SLC35F1: variants seen among roughly 807,000 people sequenced by gnomAD.
The protein encoded by SLC35F1 is chromosome 6 open reading frame 169.
In SLC35F1, 14 loss-of-function variants were observed where a neutral mutation model predicts 48.7. The ratio of observed to expected loss-of-function variants is 0.29; its 90% CI spans 0.19 to 0.45. SLC35F1 has a LOEUF of 0.45. SLC35F1 is among the 20% of genes least tolerant of loss of function. The probability of loss-of-function intolerance (pLI) is 1.00; values close to 1 mark genes in which losing one functional copy is unlikely to be tolerated. For synonymous variants in SLC35F1, 190 were observed against 202.2 expected, an observed-to-expected ratio of 0.94 and a Z score of 0.51; for missense variants, 404 against 500.0, an observed-to-expected ratio of 0.81 and a Z score of 1.83.
At chr6:118,133,901 T>G (rs759326337) in intron 1 of SLC35F1, among the ~76,000 whole-genome samples, 5 of 152,226 alleles carry the variant, frequency 3.3e-5, no homozygotes, top group Non-Finnish European at 7.3e-5. Flanking sequence ...AGTGCTCTGC[T>G]TCCTAGAAGC....
intron 6 of SLC35F1, among the ~76,000 whole-genome samples, chr6:118,277,778 A>G (rs1408526968): frequency 1.3e-5 from 2 of 152,138 alleles, no homozygotes; most frequent in African/African-American, 4.8e-5. Flanking sequence ...CCAAGATGCC[A>G]TTAGGGGAGA....
intron 2 of SLC35F1, among the ~76,000 whole-genome samples, chr6:118,225,748 C>T (rs955395853): frequency 9.9e-5 from 15 of 151,690 alleles, no homozygotes; most frequent in Non-Finnish European, 1.9e-4. Context: ...TAGTGGCAGG[C>T]GCCTGTAGTC....
rs139110727 is a variant in SLC35F1, at chr6:118,099,097, C to T, written c.174-55348C>T. ...AGATCTTGCTCATGGGATAGATCCACATTCCCTAGGGGCTGGAAAGAATTG... is the reference window on the plus strand; with the variant it reads ...AGATCTTGCTCATGGGATAGATCCATATTCCCTAGGGGCTGGAAAGAATTG... On this transcript the variant is annotated intron_variant, in intron 1 of 7. Transcript: ENST00000360388. Among the ~76,000 whole-genome samples, 27 of 152,330 alleles carry T rather than the reference C, an allele frequency of 1.8e-4. No individual in the cohort carries two copies. The East Asian group carries it at 5.2e-3, about 29-fold the overall frequency.
intron 1 of SLC35F1, among the ~76,000 whole-genome samples, chr6:118,082,480 A>C (rs1025040004): frequency 2.0e-5 from 3 of 152,194 alleles, no homozygotes; most frequent in Admixed American, 1.3e-4. Context: ...GAAACATTGA[A>C]TATTGAATGA....
chr6:118,285,828 A>G (rs1776042450), intron 7 of SLC35F1, among the ~76,000 whole-genome samples: 1 of 152,190 alleles, frequency 6.6e-6, no homozygotes, highest in African/African-American at 2.4e-5. Flanking sequence ...TTTTTTACTA[A>G]AAGATTGGGG....
chr6:117,918,688 T>C (rs1562236840), intron 1 of SLC35F1, among the ~76,000 whole-genome samples: 1 of 152,026 alleles, frequency 6.6e-6, no homozygotes, highest in African/African-American at 2.4e-5. Context: ...GTAGAGGGCG[T>C]GATGAGCAGA....
chr6:118,125,743 G>A (rs545527286), intron 1 of SLC35F1, among the ~76,000 whole-genome samples: 7 of 152,254 alleles, frequency 4.6e-5, no homozygotes, highest in South Asian at 4.1e-4. Context: ...CACCAGAGAC[G>A]TAGCAAGCCA....
intron 1 of SLC35F1, among the ~76,000 whole-genome samples, chr6:118,078,783 C>T (rs956443646): frequency 6.6e-6 from 1 of 152,136 alleles, no homozygotes; most frequent in Non-Finnish European, 1.5e-5. Flanking sequence ...ATTGGTGCAG[C>T]TTGGTGGGGA....
chr6:117,929,453 A>ATGTGTGTGTGTGTGTGTG (rs143634465), intron 1 of SLC35F1, among the ~76,000 whole-genome samples: 61 of 146,082 alleles, frequency 4.2e-4, no homozygotes, highest in African/African-American at 1.5e-3. Flanking sequence ...GTATGTATTT[A>ATGTGTGTGTGTGTGTGTG]TGTGTGTGTG....
chr6:118,267,031 C>A lies in SLC35F1; in HGVS notation c.514C>A (p.Leu172Ile), dbSNP rs760173231. The A allele has an allele frequency of 2.5e-6, 4 of 1,613,908 alleles. No homozygotes were observed. Among genetic ancestry groups the A allele is most frequent in the Non-Finnish European group, 3.4e-6 (4 of 1,179,928 alleles). Residue 172 changes from leucine (L) to isoleucine (I), a missense_variant, in exon 4 of 8, where the codon CTC becomes ATC. Physicochemically the swap from Leu to Ile is conservative, Grantham distance 5. This residue lies in a region of SLC35F1 where 306 missense variants were observed against 419.1 expected (regional missense o/e 0.73). Transcript: ENST00000360388. ...DCFVIPVVIL[L>I]SWFFLLIRYK... ...TTTTGTGATCCCAGTCGTGATTTTG[C>A]TCTCCTGGTTCTTCCTGCTGATCCG...
intron 4 of SLC35F1, among the ~76,000 whole-genome samples, chr6:118,268,862 G>A (rs964180311): frequency 2.0e-5 from 3 of 151,780 alleles, no homozygotes; most frequent in African/African-American, 7.3e-5. Flanking sequence ...CACCAGCCTC[G>A]GCCTCCCAAA....
chr6:118,015,155 C>G (rs1039720700), intron 1 of SLC35F1, among the ~76,000 whole-genome samples: 1 of 152,144 alleles, frequency 6.6e-6, no homozygotes, highest in Non-Finnish European at 1.5e-5. Flanking sequence ...TGAGGCCTCC[C>G]AGCCATGTGG....
At chr6:118,295,874 A>G (rs419592) in intron 7 of SLC35F1, among the ~76,000 whole-genome samples, 84,384 of 152,058 alleles carry the variant, frequency 0.55, 24,085 homozygotes, top group African/African-American at 0.68. Context: ...AGCCCAAAGT[A>G]TTACACATGG....
rs566613757 is a variant in SLC35F1, at chr6:118,187,392, C to T, written c.349+32772C>T. ...AAAAAAGAGGCCTGAAAATTGTAAC[C>T]AACTCATGAAAATAGTTCTCTGAGC... is the stretch of plus-strand genomic sequence containing the variant. On this transcript the variant is annotated intron_variant, in intron 2 of 7. Coordinates refer to ENST00000360388, the MANE Select transcript of SLC35F1 (RefSeq NM_001029858.4). Among the ~76,000 whole-genome samples, 52 of 152,240 alleles carry T rather than the reference C, an allele frequency of 3.4e-4. 1 individual carries two copies. Among genetic ancestry groups the T allele is most frequent in the Non-Finnish European group, 6.2e-4 (42 of 68,014 alleles).
Position 118,243,697 on chromosome 6 carries a change from T to G in SLC35F1, c.477+8061T>G, listed in dbSNP as rs187513934. 1.6e-3 allele frequency among the ~76,000 whole-genome samples: 243 copies of G among 152,256 alleles called. 1 individual carries two copies. Among genetic ancestry groups the G allele is most frequent in the African/African-American group, 5.8e-3 (242 of 41,556 alleles). ...AAGTCACTAAGCAGACTTCTAAAAT[T>G]TGTAGCCAACTTAAATGTTGACCTC... On this transcript the variant is annotated intron_variant, in intron 3 of 7. Coordinates refer to ENST00000360388, the MANE Select transcript of SLC35F1 (RefSeq NM_001029858.4).
rs541887091 is a variant in SLC35F1, at chr6:118,034,558, A to AAAAT, written c.174-119864_174-119861dup. ...GGGTGACAGAGTGAGACTCTATCAC[A>AAAAT]AAATAAATAAATAAATAAATAAATA... On this transcript the variant is annotated intron_variant, in intron 1 of 7. Transcript: ENST00000360388. Among the ~76,000 whole-genome samples the AAAAT allele has an allele frequency of 3.0e-3, 454 of 152,086 alleles. 2 individuals carry two copies. The highest frequency in any genetic ancestry group is 7.1e-3 in the African/African-American group (294 of 41,506).
intron 1 of SLC35F1, among the ~76,000 whole-genome samples, chr6:118,100,077 C>G (rs1173954315): frequency 6.6e-6 from 1 of 152,122 alleles, no homozygotes; most frequent in African/African-American, 2.4e-5. Context: ...TTATTATACT[C>G]TCTTTATAAG....
chr6:118,194,422 GGTTTAGCT>G (rs1178628805), intron 2 of SLC35F1, among the ~76,000 whole-genome samples: 1 of 152,072 alleles, frequency 6.6e-6, no homozygotes, highest in African/African-American at 2.4e-5. Context: ...GTGGTTACAA[GGTTTAGCT>G]CCCAAGGACA....
intron 1 of SLC35F1, among the ~76,000 whole-genome samples, chr6:117,918,462 G>A (rs780517031): frequency 3.9e-5 from 6 of 152,128 alleles, no homozygotes; most frequent in Middle Eastern, 3.2e-3. Flanking sequence ...TCATGATTTC[G>A]TGGTGGGAAT....
Sources: gnomAD v4.1 joint callset for allele counts (sites outside exome capture counted in the v4.1 genomes callset) on GRCh38, gnomAD v4.1.1 for gene constraint, gnomAD v4.1.1 regional missense constraint, MANE v1.5 for transcripts, NCBI Gene and HGNC (gene_info 2026-07-23, HGNC 2026-07-21) for gene names.